Variants in MON2 observed in about 807,000 individuals in gnomAD.
MON2 encodes MON2 regulator of endosome-to-Golgi trafficking, also known as protein MON2 homolog.
In MON2, 84 loss-of-function variants were observed where a neutral mutation model predicts 208.6. The observed-to-expected ratio is 0.40, with a 90% CI of 0.34 to 0.48. The LOEUF is 0.48. Ranked by LOEUF, MON2 falls within the 20% of genes least tolerant of loss-of-function variation. The pLI is 0.59. For missense variants in MON2, 1,611 were observed against 2,015.4 expected, an observed-to-expected ratio of 0.80 and a Z score of 3.84; for synonymous variants, 660 against 694.0, an observed-to-expected ratio of 0.95 and a Z score of 0.77.
chr12:62,543,325 C>G (rs943195129), intron 20 of MON2, 127 bp downstream of exon 20: 2 of 449,258 alleles, frequency 4.5e-6, no homozygotes, highest in African/African-American at 4.1e-5. Context: ...TGTGTACTTA[C>G]TTATGTTTGT....
chr12:62,538,164 A>G lies in MON2; in HGVS notation c.2187A>G (p.Glu729=), dbSNP rs2073071007. ...CCTTGAAACCTGGGAGAGCTGTAGAAGGACCCAGTACAGTAAGCTCTAGTC... is the reference window on the plus strand; with the variant it reads ...CCTTGAAACCTGGGAGAGCTGTAGAGGGACCCAGTACAGTAAGCTCTAGTC... ...GGALKPGRAV[E]GPSTVLTTAV... The change falls in exon 17 of 35, where the codon GAA becomes GAG. Residue 729 remains glutamate, a synonymous_variant. Transcript: ENST00000393630. 1.2e-6 allele frequency: 2 copies of G among 1,613,792 alleles called. No homozygotes were observed. Among genetic ancestry groups the G allele is most frequent in the Admixed American group, 1.7e-5 (1 of 60,010 alleles).
intron 1 of MON2, among the ~76,000 whole-genome samples, chr12:62,471,464 G>T (rs545765172): frequency 6.6e-6 from 1 of 152,202 alleles, no homozygotes; most frequent in Admixed American, 6.5e-5. Flanking sequence ...GATAGCAGGC[G>T]TGAGCCACCA....
chr12:62,495,420 G>A (rs1389743687), intron 4 of MON2, among the ~76,000 whole-genome samples: 1 of 151,962 alleles, frequency 6.6e-6, no homozygotes, highest in East Asian at 1.9e-4. Context: ...TAGCCCAAGA[G>A]TAAGAATAGG....
chr12:62,546,651 G>A (rs1377390124), intron 21 of MON2, among the ~76,000 whole-genome samples: 2 of 152,140 alleles, frequency 1.3e-5, no homozygotes, highest in East Asian at 3.9e-4. Flanking sequence ...CTACTCAGGA[G>A]ACTGAAGCAG....
rs149042861 is a variant in MON2 at position 62,571,401 on chromosome 12, G to T, written c.4333G>T (p.Val1445Phe). Residue 1445 changes from valine to phenylalanine, a missense_variant, in exon 30 of 35, where the codon GTT becomes TTT. By Grantham distance (50) the Val-to-Phe change is conservative (BLOSUM62 -1). Transcript: ENST00000393630. Reference protein sequence around the residue: ...VLQNIIKTLRVPLSLKYSCPS... With the variant: ...VLQNIIKTLRFPLSLKYSCPS... ...CTGTCTTTATTTTCAGACTCTTAGG[G>T]TTCCTCTCAGTTTGAAGTATTCCTG... The T allele has an allele frequency of 5.0e-6, 8 of 1,600,666 alleles. No individual in the cohort carries two copies. The highest frequency in any genetic ancestry group is 2.2e-5 in the East Asian group (1 of 44,676).
intron 8 of MON2, among the ~76,000 whole-genome samples, chr12:62,517,283 TCTC>T (rs1314109854): frequency 2.0e-5 from 3 of 152,146 alleles, no homozygotes; most frequent in Non-Finnish European, 2.9e-5. Flanking sequence ...AGTATTCTGT[TCTC>T]CTCAGTAATG....
At position 62,600,050 on chromosome 12, in the gene MON2, T is replaced by C. The variant is rs1416249266; in HGVS notation, c.*7301T>C. 1 of 152,202 alleles carries C rather than the reference T, an allele frequency of 6.6e-6. No individual in the cohort carries two copies. Among genetic ancestry groups the C allele is most frequent in the South Asian group, 2.1e-4 (1 of 4,830 alleles). 9.4% of individuals were successfully genotyped at this position (152,202 alleles called of 1,614,324 possible). On this transcript the variant is annotated 3_prime_UTR_variant, in exon 35 of 35. Transcript: ENST00000393630. ...TGGGGCCAGGCTTCTTAGATGCAAA[T>C]CCCAACTCTGTTATTTTACTAAATG...
chr12:62,483,350 C>T (rs565589203), intron 1 of MON2, among the ~76,000 whole-genome samples: 20 of 152,150 alleles, frequency 1.3e-4, no homozygotes, highest in Admixed American at 1.3e-4. Context: ...AAACATACTA[C>T]GGTTAATGAA....
At position 62,467,046 on chromosome 12, in the gene MON2, T is replaced by G; in HGVS notation, c.-162T>G. On this transcript the variant is annotated 5_prime_UTR_variant, in exon 1 of 35. Coordinates refer to ENST00000393630, the MANE Select transcript of MON2 (RefSeq NM_015026.3). ...GCCAGAGGTGTTGCGGGGAAGCTGCTGGGGGACGCTCGAGCAGGCTCCGGG... is the reference window on the plus strand; with the variant it reads ...GCCAGAGGTGTTGCGGGGAAGCTGCGGGGGGACGCTCGAGCAGGCTCCGGG... The G allele has an allele frequency of 1.7e-6, 1 of 588,344 alleles. No individual in the cohort carries two copies. The highest frequency in any genetic ancestry group is 3.0e-6 in the Non-Finnish European group (1 of 333,240). The allele number at this position is 588,344 out of a possible 1,614,324, so 36.4% of individuals were successfully genotyped here.
intron 4 of MON2, 115 bp downstream of exon 4, chr12:62,495,262 G>C: frequency 1.2e-6 from 1 of 846,894 alleles, no homozygotes; most frequent in Middle Eastern, 2.4e-4. Context: ...CTACAGCTAT[G>C]GTGATGATTG....
At chr12:62,574,824 T>C (rs2074718273) in intron 30 of MON2, among the ~76,000 whole-genome samples, 1 of 152,138 alleles carries the variant, frequency 6.6e-6, no homozygotes, top group South Asian at 2.1e-4. Flanking sequence ...CTAGGCATTA[T>C]TTTCTTTATT....
intron 31 of MON2, 101 bp downstream of exon 31, chr12:62,578,606 A>G (rs564983475): frequency 2.7e-6 from 2 of 732,658 alleles, no homozygotes; most frequent in African/African-American, 3.7e-5. Flanking sequence ...GTAATAGGTT[A>G]AGATTAAAAC....
intron 16 of MON2, 87 bp from the exon 17 acceptor site, chr12:62,538,009 A>G (rs1024478964): frequency 2.0e-5 from 24 of 1,204,522 alleles, no homozygotes; most frequent in Non-Finnish European, 2.8e-5. Context: ...TTTGGTTGCT[A>G]GAAGTTACTA....
chr12:62,501,508 G>T, intron 6 of MON2, 65 bp from the exon 7 acceptor site: 2 of 1,566,020 alleles, frequency 1.3e-6, no homozygotes, highest in Non-Finnish European at 1.7e-6. Context: ...AAAGATTTAT[G>T]AACTGCGAGT....
chr12:62,557,126 A>C (rs761096535), intron 25 of MON2, among the ~76,000 whole-genome samples: 4 of 152,176 alleles, frequency 2.6e-5, no homozygotes, highest in Non-Finnish European at 5.9e-5. Context: ...AGCAATGAAA[A>C]AAACTACTGA....
chr12:62,521,465 A>G (rs992230970), intron 8 of MON2, among the ~76,000 whole-genome samples: 1 of 152,188 alleles, frequency 6.6e-6, no homozygotes, highest in Non-Finnish European at 1.5e-5. Flanking sequence ...GGCAAATAAT[A>G]TATTATTATG....
At chr12:62,531,826 G>A (rs2072660636) in intron 11 of MON2, among the ~76,000 whole-genome samples, 1 of 151,930 alleles carries the variant, frequency 6.6e-6, no homozygotes, top group Admixed American at 6.6e-5. Flanking sequence ...CTGGAGTGCA[G>A]CGGCGCAATC....
intron 11 of MON2, among the ~76,000 whole-genome samples, chr12:62,530,231 T>C (rs1039490297): frequency 4.7e-5 from 7 of 148,252 alleles, no homozygotes; most frequent in Non-Finnish European, 7.5e-5. Flanking sequence ...AGTATAATTT[T>C]TTTTTTTTTT....
intron 32 of MON2, among the ~76,000 whole-genome samples, 188 bp from the exon 33 acceptor site, chr12:62,585,091 ACACACACACACACAC>A (rs2075159462): frequency 8.8e-6 from 1 of 114,034 alleles, no homozygotes; most frequent in African/African-American, 3.7e-5. Flanking sequence ...ACACACACAC[ACACACACACACACAC>A]ACACAAAACA....
Sources: gnomAD v4.1 joint callset for allele counts (sites outside exome capture counted in the v4.1 genomes callset) on GRCh38, gnomAD v4.1.1 for gene constraint, MANE v1.5 for transcripts, NCBI Gene and HGNC (gene_info 2026-07-23, HGNC 2026-07-21) for gene names.